Variants in CWC27 observed in about 807,000 individuals in gnomAD.
CWC27 encodes the protein CWC27 spliceosome associated cyclophilin.
A neutral mutation model predicts 63.6 loss-of-function variants in CWC27; 47 were observed. The ratio of observed to expected loss-of-function variants is 0.74; its 90% CI spans 0.58 to 0.94. CWC27 has a LOEUF of 0.94. Among genes scored for constraint, CWC27 ranks in the 40% least tolerant of loss-of-function variants. CWC27 has a pLI of 0.00. For missense variants in CWC27, 495 were observed against 554.3 expected, an observed-to-expected ratio of 0.89 and a Z score of 1.07; for synonymous variants, 175 against 179.8, an observed-to-expected ratio of 0.97 and a Z score of 0.22.
chr5:64,872,863 C>T (rs1436342242), intron 10 of CWC27, among the ~76,000 whole-genome samples: 1 of 152,112 alleles, frequency 6.6e-6, no homozygotes, highest in Non-Finnish European at 1.5e-5. Flanking sequence ...TTCTCCTCTT[C>T]CCAAACCCCC....
chr5:64,874,352 G>A (rs1446607862), intron 10 of CWC27, among the ~76,000 whole-genome samples: 1 of 151,296 alleles, frequency 6.6e-6, no homozygotes, highest in Non-Finnish European at 1.5e-5. Flanking sequence ...AGTAGAGATG[G>A]GGCTTCACCA....
rs566627764 is a variant in CWC27, at chr5:64,984,678, C to A, written c.1256+7440C>A. ...TTCTTACTGTTGAGTTTCAAGAGTT[C>A]TCTGTATAATCTACATCCAAGTCTT... On this transcript the variant is annotated intron_variant, in intron 13 of 13. Transcript: ENST00000381070. Among the ~76,000 whole-genome samples the A allele has an allele frequency of 8.5e-5, 13 of 152,262 alleles. No homozygotes were observed. The South Asian group carries it at 2.7e-3, about 32-fold the overall frequency.
chr5:64,786,669 C>T, intron 6 of CWC27, 42 bp downstream of exon 6: 1 of 1,182,428 alleles, frequency 8.5e-7, no homozygotes, highest in Non-Finnish European at 1.2e-6. Flanking sequence ...TGAAAAATGA[C>T]ACTCATTCAT....
At chr5:65,005,547 C>T (rs1319298562) in intron 13 of CWC27, among the ~76,000 whole-genome samples, 1 of 151,544 alleles carries the variant, frequency 6.6e-6, no homozygotes, top group Non-Finnish European at 1.5e-5. Context: ...TGTGCAGATA[C>T]CACTGGTGGT....
At chr5:64,820,535 A>T (rs1244845317) in intron 10 of CWC27, among the ~76,000 whole-genome samples, 1 of 152,120 alleles carries the variant, frequency 6.6e-6, no homozygotes, top group Non-Finnish European at 1.5e-5. Context: ...TACCTATTAA[A>T]TCTTAAAGAA....
intron 11 of CWC27, among the ~76,000 whole-genome samples, chr5:64,912,732 G>A (rs1290541077): frequency 6.6e-5 from 10 of 152,054 alleles, no homozygotes; most frequent in Non-Finnish European, 1.3e-4. Context: ...CTCTCAAAAT[G>A]CTATTATAAA....
intron 10 of CWC27, among the ~76,000 whole-genome samples, chr5:64,840,043 G>C (rs569802541): frequency 6.6e-6 from 1 of 151,974 alleles, no homozygotes; most frequent in Non-Finnish European, 1.5e-5. Flanking sequence ...GTGCATATAG[G>C]CTCCCTGCCA....
At chr5:65,000,205 G>A (rs1749708407) in intron 13 of CWC27, among the ~76,000 whole-genome samples, 2 of 152,012 alleles carry the variant, frequency 1.3e-5, no homozygotes, top group Non-Finnish European at 2.9e-5. Context: ...CTTTTAAGCT[G>A]TGTAAGCTCC....
Position 64,909,896 on chromosome 5 carries a change from T to G in CWC27, c.1042+24350T>G, listed in dbSNP as rs1273221118. On this transcript the variant is annotated intron_variant, in intron 11 of 13. Coordinates refer to ENST00000381070, the MANE Select transcript of CWC27 (RefSeq NM_005869.4). Reference sequence around the variant, plus strand: ...CCATCCTGCTTTAGCTCAGAGAAGTTTGTTATTACCGACCTTCTGAAGCCT... The same window carrying G: ...CCATCCTGCTTTAGCTCAGAGAAGTGTGTTATTACCGACCTTCTGAAGCCT... Among the ~76,000 whole-genome samples the G allele has an allele frequency of 2.0e-5, 3 of 152,156 alleles. No homozygotes were observed. The East Asian group carries it at 5.8e-4, about 29-fold the overall frequency.
chr5:64,843,430 A>G (rs1745896676), intron 10 of CWC27, among the ~76,000 whole-genome samples: 1 of 152,210 alleles, frequency 6.6e-6, no homozygotes, highest in South Asian at 2.1e-4. Context: ...TAACATCTCA[A>G]TTCTAATTAA....
rs1013589386 is a variant in CWC27 at position 64,804,495 on chromosome 5, G to A, written c.938+109G>A. 12 of 1,164,346 alleles carry A rather than the reference G, an allele frequency of 1.0e-5. No individual in the cohort carries two copies. In the East Asian group the frequency reaches 2.9e-4, roughly 28 times the overall value. 72.1% of individuals were successfully genotyped at this position (1,164,346 alleles called of 1,614,324 possible). The stretch of plus-strand genomic sequence containing the variant: ...ATTTTTAAAATACTATTTTCATAAT[G>A]TTTGATAAACATAACAGTTGTACAA... On this transcript the variant is annotated intron_variant, in intron 10 of 13. Coordinates refer to ENST00000381070, the MANE Select transcript of CWC27 (RefSeq NM_005869.4).
chr5:64,940,094 C>T (rs909592707), intron 11 of CWC27, among the ~76,000 whole-genome samples: 7 of 152,310 alleles, frequency 4.6e-5, no homozygotes, highest in African/African-American at 1.7e-4. Flanking sequence ...ACTTATCTCC[C>T]TGACTTCAGC....
At chr5:64,772,936 C>CAAAAA (rs111700463) in intron 1 of CWC27, among the ~76,000 whole-genome samples, 1 of 119,776 alleles carries the variant, frequency 8.3e-6, no homozygotes, top group Non-Finnish European at 1.8e-5. Context: ...GACTCTGTCT[C>CAAAAA]AAAAAAAAAA....
chr5:64,908,416 C>G (rs1747708828), intron 11 of CWC27, among the ~76,000 whole-genome samples: 1 of 152,172 alleles, frequency 6.6e-6, no homozygotes, highest in Non-Finnish European at 1.5e-5. Flanking sequence ...TGGTGCAGAG[C>G]TGAGTTCAAG....
intron 5 of CWC27, 135 bp downstream of exon 5, chr5:64,785,714 T>C: frequency 2.0e-6 from 1 of 512,368 alleles, no homozygotes; most frequent in Non-Finnish European, 3.4e-6. Context: ...CTCTAATTTA[T>C]TTGGGCACCG....
chr5:65,011,329 T>G (rs1749952347), intron 13 of CWC27, among the ~76,000 whole-genome samples: 1 of 152,136 alleles, frequency 6.6e-6, no homozygotes, highest in South Asian at 2.1e-4. Context: ...CAGAGAGATA[T>G]TCAAGATTCT....
chr5:64,977,365 C>A, intron 13 of CWC27, 127 bp downstream of exon 13: 2 of 562,286 alleles, frequency 3.6e-6, no homozygotes, highest in Non-Finnish European at 6.2e-6. Context: ...AGGACCTCGG[C>A]AACTTTTGAC....
intron 11 of CWC27, 75 bp from the exon 12 acceptor site, chr5:64,971,628 C>G (rs766540128): frequency 3.5e-6 from 4 of 1,142,300 alleles, no homozygotes; most frequent in Non-Finnish European, 4.8e-6. Context: ...TCTTCAGCAA[C>G]AGGAGCATAA....
chr5:64,818,090 T>C (rs1244008198), intron 10 of CWC27, among the ~76,000 whole-genome samples: 1 of 152,112 alleles, frequency 6.6e-6, no homozygotes, highest in Admixed American at 6.6e-5. Flanking sequence ...ATTTTAAAAG[T>C]CTAAAAATTA....
Sources: allele counts gnomAD v4.1 joint callset (sites outside exome capture counted in the v4.1 genomes callset), GRCh38; gene constraint gnomAD v4.1.1; transcripts MANE v1.5; gene names NCBI Gene and HGNC (gene_info 2026-07-23, HGNC 2026-07-21).